The following ATP1B3 variants were observed in gnomAD, a reference collection of about 807,000 sequenced individuals.
The protein encoded by ATP1B3 is ATPase Na+/K+ transporting subunit beta 3, also known as sodium/potassium-transporting ATPase subunit beta-3.
In ATP1B3, 10 loss-of-function variants were observed where a neutral mutation model predicts 30.2. The observed-to-expected ratio is 0.33, with a 90% CI of 0.20 to 0.56. The LOEUF (loss-of-function observed/expected upper bound fraction) is 0.56. Among genes scored for constraint, ATP1B3 ranks in the 20% least tolerant of loss-of-function variants. The pLI, the probability that ATP1B3 is intolerant of heterozygous loss-of-function variation, is 0.90. For synonymous variants in ATP1B3, 113 were observed against 117.0 expected (o/e 0.97, Z 0.22); for missense variants, 238 against 336.7 (o/e 0.71, Z 2.29).
intron 6 of ATP1B3, among the ~76,000 whole-genome samples, chr3:141,923,220 G>C (rs1330063446): frequency 6.6e-6 from 1 of 151,570 alleles, no homozygotes; most frequent in Admixed American, 6.6e-5. Context: ...AGAGATTGCA[G>C]TGAGCCAAGA....
chr3:141,895,443 G>A (rs1253069891), intron 1 of ATP1B3, among the ~76,000 whole-genome samples: 1 of 152,094 alleles, frequency 6.6e-6, no homozygotes, highest in Non-Finnish European at 1.5e-5. Context: ...ACCTGCCTCA[G>A]CCTCTCAAAG....
intron 1 of ATP1B3, among the ~76,000 whole-genome samples, chr3:141,881,155 A>G (rs1184114401): frequency 6.6e-6 from 1 of 151,012 alleles, no homozygotes; most frequent in Non-Finnish European, 1.5e-5. Flanking sequence ...GTGAGCCAAG[A>G]TCGCGCCACT....
Position 141,907,154 on chromosome 3 carries a change from T to C in ATP1B3, c.239-13T>C. The C allele has an allele frequency of 6.4e-7, 1 of 1,573,958 alleles. No individual in the cohort carries two copies. The highest frequency in any genetic ancestry group is 8.7e-7 in the Non-Finnish European group (1 of 1,154,498). On this transcript the variant is annotated splice_polypyrimidine_tract_variant and intron_variant, in intron 2 of 6. Coordinates refer to ENST00000286371, the MANE Select transcript of ATP1B3 (RefSeq NM_001679.4). ...AGGAAATTTGATAATCTCTCCCTTT[T>C]ATGTCTTTATAGGACTCATGGTTTT...
At chr3:141,907,714 T>C (rs1934287937) in intron 3 of ATP1B3, among the ~76,000 whole-genome samples, 1 of 152,138 alleles carries the variant, frequency 6.6e-6, no homozygotes. Context: ...TTACCTTCTA[T>C]TTCCTTCTGT....
chr3:141,879,777 T>TCAAAAAAAAAAACAAA (rs1553743169), intron 1 of ATP1B3, among the ~76,000 whole-genome samples: 1 of 58,842 alleles, frequency 1.7e-5, no homozygotes, highest in Non-Finnish European at 3.4e-5. Context: ...AGTCTCCATC[T>TCAAAAAAAAAAACAAA]CAAAAAAAAA....
At chr3:141,890,951 T>G (rs1933939888) in intron 1 of ATP1B3, among the ~76,000 whole-genome samples, 1 of 152,246 alleles carries the variant, frequency 6.6e-6, no homozygotes, top group Non-Finnish European at 1.5e-5. Flanking sequence ...TAAATATTCT[T>G]TATGGACTCA....
chr3:141,905,568 A>G (rs987996209), intron 2 of ATP1B3, among the ~76,000 whole-genome samples: 2 of 151,984 alleles, frequency 1.3e-5, no homozygotes. Context: ...TTTTCTAATG[A>G]TTTCTTTTGT....
At chr3:141,919,333 T>G (rs1490053534) in intron 5 of ATP1B3, among the ~76,000 whole-genome samples, 4 of 151,772 alleles carry the variant, frequency 2.6e-5, no homozygotes, top group African/African-American at 9.7e-5. Flanking sequence ...GCCAGGCTGG[T>G]CTTAAACTCC....
intron 3 of ATP1B3, among the ~76,000 whole-genome samples, chr3:141,911,799 G>A (rs1479857200): frequency 6.6e-6 from 1 of 151,956 alleles, no homozygotes; most frequent in Non-Finnish European, 1.5e-5. Context: ...TCGGCCTTTG[G>A]TCTTTCTTAT....
intron 2 of ATP1B3, among the ~76,000 whole-genome samples, chr3:141,906,179 A>T (rs967315500): frequency 6.6e-6 from 1 of 151,850 alleles, no homozygotes; most frequent in Admixed American, 6.6e-5. Context: ...ATCTAGATCT[A>T]ATGCTTTTTT....
intron 2 of ATP1B3, among the ~76,000 whole-genome samples, chr3:141,904,109 G>C (rs1160252856): frequency 6.6e-6 from 1 of 152,180 alleles, no homozygotes; most frequent in Non-Finnish European, 1.5e-5. Flanking sequence ...TAACAAAATT[G>C]AGTTATAGTT....
At chr3:141,895,969 A>G (rs1028005967) in intron 1 of ATP1B3, among the ~76,000 whole-genome samples, 8 of 152,090 alleles carry the variant, frequency 5.3e-5, no homozygotes, top group Non-Finnish European at 7.4e-5. Context: ...CCTGGTGACT[A>G]ATGATTTGGA....
Position 141,882,007 on chromosome 3 carries a change from G to A in ATP1B3, c.109+5097G>A, listed in dbSNP as rs376166627. On this transcript the variant is annotated intron_variant, in intron 1 of 6. Coordinates refer to ENST00000286371, the MANE Select transcript of ATP1B3 (RefSeq NM_001679.4). ...CCATTGTAATTATGGTAGTACGAGT[G>A]CTTTAAGATTATTAAAGAGCCTCTC... Among the ~76,000 whole-genome samples, 25 of 152,254 alleles carry A rather than the reference G, an allele frequency of 1.6e-4. No individual in the cohort carries two copies. The East Asian group carries it at 4.6e-3, about 28-fold the overall frequency.
At chr3:141,921,734 AG>A in intron 5 of ATP1B3, 1 of 285,186 alleles carries the variant, frequency 3.5e-6, no homozygotes, top group South Asian at 5.0e-5. Flanking sequence ...CATGAAAGAG[AG>A]TATAGAGTGT....
intron 6 of ATP1B3, among the ~76,000 whole-genome samples, chr3:141,924,057 G>A (rs902455748): frequency 1.3e-5 from 2 of 152,122 alleles, no homozygotes; most frequent in Admixed American, 6.6e-5. Context: ...TAAAAAGCTC[G>A]TTACTGCCTG....
chr3:141,921,984 A>G lies in ATP1B3; in HGVS notation c.590A>G (p.Asp197Gly). 6.6e-7 allele frequency: 1 copy of G among 1,519,884 alleles called. No individual in the cohort carries two copies. The highest frequency in any genetic ancestry group is 8.9e-7 in the Non-Finnish European group (1 of 1,118,846). The allele number at this position is 1,519,884 out of a possible 1,614,324, so 94.1% of individuals were successfully genotyped here. ...PRIDCVSKNE[D>G]IPNVAVYPHN... ...TTTTGTTTTCAACTTCAGAATGAAGATATACCAAATGTAGCAGTTTATCCT... is the reference window on the plus strand; with the variant it reads ...TTTTGTTTTCAACTTCAGAATGAAGGTATACCAAATGTAGCAGTTTATCCT... The change falls in exon 6 of 7, where the codon GAT becomes GGT. Residue 197 changes from aspartate to glycine, a missense_variant. This residue lies in a region of ATP1B3 where 58 missense variants were observed against 125.6 expected (regional missense o/e 0.46). Transcript: ENST00000286371.
chr3:141,900,940 G>A lies in ATP1B3; in HGVS notation c.110-2680G>A, dbSNP rs371649929. 1.0e-3 allele frequency among the ~76,000 whole-genome samples: 155 copies of A among 152,102 alleles called. 1 individual carries two copies. Among genetic ancestry groups the A allele is most frequent in the African/African-American group, 3.5e-3 (145 of 41,518 alleles). The stretch of plus-strand genomic sequence containing the variant: ...TGGAATTACAGGAGTGCACCACCAC[G>A]CCTGGCTATTTTTTGCATTTTTAGT... On this transcript the variant is annotated intron_variant, in intron 1 of 6. Transcript: ENST00000286371.
chr3:141,920,019 G>A (rs1387602646), intron 5 of ATP1B3, among the ~76,000 whole-genome samples: 2 of 152,082 alleles, frequency 1.3e-5, no homozygotes, highest in African/African-American at 4.8e-5. Context: ...TTATTATTCA[G>A]ATACTCATTT....
intron 1 of ATP1B3, among the ~76,000 whole-genome samples, chr3:141,878,479 C>G (rs1267031692): frequency 6.6e-6 from 1 of 152,176 alleles, no homozygotes; most frequent in Non-Finnish European, 1.5e-5. Context: ...GATAGGCTAC[C>G]TTCCTCCCTT....
Sources: allele counts gnomAD v4.1 joint callset (sites outside exome capture counted in the v4.1 genomes callset), GRCh38; gene constraint gnomAD v4.1.1; regional missense constraint gnomAD v4.1.1; transcripts MANE v1.5; gene names NCBI Gene and HGNC (gene_info 2026-07-23, HGNC 2026-07-21).